The following SKAP1 variants were observed in gnomAD, a reference collection of about 807,000 sequenced individuals.
The protein encoded by SKAP1 is src kinase-associated phosphoprotein 1.
Under a neutral mutation model 58.5 loss-of-function variants are expected in SKAP1, and 44 were observed. The ratio of observed to expected loss-of-function variants is 0.75; its 90% CI spans 0.59 to 0.97. The LOEUF (loss-of-function observed/expected upper bound fraction) is 0.97. Among genes scored for constraint, SKAP1 ranks in the 50% least tolerant of loss-of-function variants. SKAP1 has a pLI of 0.00. For missense variants in SKAP1, 390 were observed against 435.2 expected, an observed-to-expected ratio of 0.90 and a Z score of 0.92; for synonymous variants, 127 against 149.7, an observed-to-expected ratio of 0.85 and a Z score of 1.11.
chr17:48,306,590 C>T (rs980503528), intron 4 of SKAP1, among the ~76,000 whole-genome samples: 5 of 152,102 alleles, frequency 3.3e-5, no homozygotes, highest in African/African-American at 9.7e-5. Flanking sequence ...CAGTTACACA[C>T]CTTTTTTAAA....
At chr17:48,192,408 C>CT (rs931136067) in intron 4 of SKAP1, among the ~76,000 whole-genome samples, 3 of 151,956 alleles carry the variant, frequency 2.0e-5, no homozygotes, top group Non-Finnish European at 2.9e-5. Context: ...TTCAAACCTC[C>CT]TTTTTTTAAT....
chr17:48,259,083 T>A (rs1162692594), intron 4 of SKAP1, among the ~76,000 whole-genome samples: 1 of 152,068 alleles, frequency 6.6e-6, no homozygotes, highest in African/African-American at 2.4e-5. Context: ...TTTAGGCAGA[T>A]GCTTGAATGT....
intron 3 of SKAP1, 46 bp from the exon 4 acceptor site, chr17:48,346,052 C>T: frequency 1.7e-6 from 2 of 1,186,428 alleles, no homozygotes; most frequent in South Asian, 1.4e-5. Context: ...TTTGGGCATC[C>T]TTATAAAAGG....
chr17:48,388,259 C>T (rs2067303483), intron 2 of SKAP1, among the ~76,000 whole-genome samples: 1 of 151,996 alleles, frequency 6.6e-6, no homozygotes, highest in Non-Finnish European at 1.5e-5. Flanking sequence ...CATGGTGAAA[C>T]CCTGTCTGTA....
chr17:48,353,237 A>C (rs980948494), intron 3 of SKAP1, among the ~76,000 whole-genome samples: 11 of 152,116 alleles, frequency 7.2e-5, no homozygotes, highest in African/African-American at 2.7e-4. Flanking sequence ...AAATCAATAT[A>C]CTGATTTTTT....
chr17:48,408,581 A>C (rs2067619715), intron 1 of SKAP1, among the ~76,000 whole-genome samples: 1 of 152,210 alleles, frequency 6.6e-6, no homozygotes, highest in Non-Finnish European at 1.5e-5. Flanking sequence ...TAATACATTA[A>C]AATATTAATG....
At chr17:48,323,987 C>A (rs2066400255) in intron 4 of SKAP1, among the ~76,000 whole-genome samples, 1 of 152,082 alleles carries the variant, frequency 6.6e-6, no homozygotes, top group Non-Finnish European at 1.5e-5. Context: ...CTCATGTATT[C>A]TGAGCTGTTA....
intron 3 of SKAP1, among the ~76,000 whole-genome samples, chr17:48,363,518 C>G (rs1598615075): frequency 6.6e-6 from 1 of 152,148 alleles, no homozygotes; most frequent in Non-Finnish European, 1.5e-5. Context: ...TGGCACCTAA[C>G]AAAGCTCAAG....
chr17:48,358,237 T>C (rs1481785468), intron 3 of SKAP1, among the ~76,000 whole-genome samples: 1 of 152,218 alleles, frequency 6.6e-6, no homozygotes, highest in African/African-American at 2.4e-5. Flanking sequence ...CTTATGACTG[T>C]GCTAAAACCT....
intron 1 of SKAP1, among the ~76,000 whole-genome samples, chr17:48,425,169 A>G (rs2067843130): frequency 1.3e-5 from 2 of 152,166 alleles, no homozygotes. Flanking sequence ...GAGGCAGAAG[A>G]ATTGCTCGAA....
At chr17:48,137,610 C>T (rs1021903799) in intron 11 of SKAP1, among the ~76,000 whole-genome samples, 1 of 152,180 alleles carries the variant, frequency 6.6e-6, no homozygotes, top group South Asian at 2.1e-4. Context: ...TTAAACCAAG[C>T]CGAATGGTAT....
chr17:48,409,850 CAG>C (rs2067639194), intron 1 of SKAP1, among the ~76,000 whole-genome samples: 2 of 152,142 alleles, frequency 1.3e-5, no homozygotes, highest in Admixed American at 1.3e-4. Flanking sequence ...CTTTAAAACA[CAG>C]AGTGAGCCTT....
intron 4 of SKAP1, among the ~76,000 whole-genome samples, chr17:48,237,395 G>A (rs571621592): frequency 6.6e-6 from 1 of 152,108 alleles, no homozygotes; most frequent in Admixed American, 6.6e-5. Flanking sequence ...AAAATGTTCT[G>A]GTCAAAACTG....
At chr17:48,140,041 A>G (rs2063749398) in intron 11 of SKAP1, among the ~76,000 whole-genome samples, 1 of 152,202 alleles carries the variant, frequency 6.6e-6, no homozygotes, top group Non-Finnish European at 1.5e-5. Context: ...ACCATTAAAT[A>G]GCTGCCACTG....
Position 48,133,622 on chromosome 17 carries a change from G to C in SKAP1, c.*202C>G, listed in dbSNP as rs560918592. 1 of 152,432 alleles carries C rather than the reference G, an allele frequency of 6.6e-6. No homozygotes were observed. The highest frequency in any genetic ancestry group is 2.4e-5 in the African/African-American group (1 of 41,578). The allele number at this position is 152,432 out of a possible 1,614,324, so 9.4% of individuals were successfully genotyped here. A position where few individuals can be genotyped will look rare whatever the true frequency, so the allele number is the denominator to read the frequency against. Reference sequence around the variant, plus strand: ...GATGAGCTATGACTAGGCTGGTTTAGTAACAGGTTTGATGAACGTGCCTCT... The same window carrying C: ...GATGAGCTATGACTAGGCTGGTTTACTAACAGGTTTGATGAACGTGCCTCT... On this transcript the variant is annotated 3_prime_UTR_variant, in exon 13 of 13. Transcript: ENST00000336915.
chr17:48,224,090 AGGAGGAGG>A (rs2065040605), intron 4 of SKAP1, among the ~76,000 whole-genome samples: 2 of 134,334 alleles, frequency 1.5e-5, no homozygotes, highest in Non-Finnish European at 1.6e-5. Context: ...GAGGAGGAAG[AGGAGGAGG>A]AGGAGGAGGA....
chr17:48,221,223 C>G (rs1017140773), intron 4 of SKAP1, among the ~76,000 whole-genome samples: 2 of 152,034 alleles, frequency 1.3e-5, no homozygotes, highest in African/African-American at 4.8e-5. Flanking sequence ...GCCAAGATTG[C>G]ACCACTGCAC....
chr17:48,212,163 G>T (rs142818310), intron 4 of SKAP1, among the ~76,000 whole-genome samples: 37 of 152,020 alleles, frequency 2.4e-4, no homozygotes, highest in African/African-American at 8.2e-4. Flanking sequence ...AATGAGTATG[G>T]TAAGAGAAGA....
Position 48,363,665 on chromosome 17 carries a change from C to T in SKAP1, c.178+124G>A, listed in dbSNP as rs1011336565. On this transcript the variant is annotated intron_variant, in intron 3 of 12. Transcript: ENST00000336915. ...CAGGGTGAAGGTTAATTAAACACTC[C>T]ACTAACTTTCCTTGGAAATGGTTAA... 7.7e-6 allele frequency: 6 copies of T among 783,438 alleles called. No individual in the cohort carries two copies. In the African/African-American group the frequency reaches 8.6e-5, roughly 11 times the overall value. The allele number at this position is 783,438 out of a possible 1,614,324, so 48.5% of individuals were successfully genotyped here.
Sources: allele counts gnomAD v4.1 joint callset (sites outside exome capture counted in the v4.1 genomes callset), GRCh38; gene constraint gnomAD v4.1.1; transcripts MANE v1.5; gene names NCBI Gene and HGNC (gene_info 2026-07-23, HGNC 2026-07-21).